The following VPS53 variants were observed in gnomAD, a reference collection of about 807,000 sequenced individuals.
VPS53 encodes vacuolar protein sorting-associated protein 53 homolog.
A neutral mutation model predicts 107.0 loss-of-function variants in VPS53; 70 were observed. The observed-to-expected ratio is 0.65, with a 90% confidence interval of 0.54 to 0.80. VPS53 has a LOEUF of 0.80. Among genes scored for constraint, VPS53 ranks in the 30% least tolerant of loss-of-function variants. The pLI, the probability that VPS53 is intolerant of heterozygous loss-of-function variation, is 0.00. For missense variants in VPS53, 917 were observed against 1,049.4 expected (o/e 0.87, Z 1.74); for synonymous variants, 409 against 393.3 (o/e 1.04, Z -0.47).
At chr17:596,094 G>T (rs1021278798) in intron 12 of VPS53, among the ~76,000 whole-genome samples, 5 of 152,230 alleles carry the variant, frequency 3.3e-5, no homozygotes, top group Admixed American at 2.0e-4. Context: ...GCTGTACTAG[G>T]TTTATAATTT....
At chr17:636,043 T>C (rs1679412498) in intron 7 of VPS53, among the ~76,000 whole-genome samples, 1 of 152,206 alleles carries the variant, frequency 6.6e-6, no homozygotes, top group Admixed American at 6.5e-5. Context: ...GGAATGTTCT[T>C]CCATTTGTTT....
chr17:554,984 G>C (rs1320790346), intron 15 of VPS53, among the ~76,000 whole-genome samples: 2 of 152,194 alleles, frequency 1.3e-5, no homozygotes, highest in African/African-American at 4.8e-5. Context: ...AACAGAATAA[G>C]AGAGTTATTT....
chr17:671,252 G>T (rs933643607), intron 4 of VPS53, among the ~76,000 whole-genome samples: 6 of 150,898 alleles, frequency 4.0e-5, no homozygotes, highest in African/African-American at 1.5e-4. Context: ...AAGAAGAAAG[G>T]AAAAGGAAAA....
chr17:689,978 G>A (rs201004146), intron 4 of VPS53, among the ~76,000 whole-genome samples: 4 of 152,122 alleles, frequency 2.6e-5, no homozygotes, highest in East Asian at 1.9e-4. Flanking sequence ...AAACAGCCCC[G>A]GACGACACAC....
chr17:522,415 A>C (rs981432323), intron 19 of VPS53, among the ~76,000 whole-genome samples: 2 of 152,168 alleles, frequency 1.3e-5, no homozygotes, highest in African/African-American at 4.8e-5. Context: ...TTTTAAGTGC[A>C]CTCTAGCCTG....
intron 10 of VPS53, among the ~76,000 whole-genome samples, chr17:626,329 A>G (rs1487365868): frequency 1.3e-5 from 2 of 152,152 alleles, no homozygotes; most frequent in African/African-American, 4.8e-5. Flanking sequence ...ACACTCATGG[A>G]TAACGTAGAG....
chr17:552,868 C>T (rs992592427), intron 16 of VPS53: 55 of 419,390 alleles, frequency 1.3e-4, no homozygotes, highest in Non-Finnish European at 1.7e-4. Context: ...GCCTGAGGCA[C>T]GCTGCTGTGT....
intron 7 of VPS53, among the ~76,000 whole-genome samples, chr17:645,255 C>A (rs888470115): frequency 6.6e-6 from 1 of 152,204 alleles, no homozygotes; most frequent in Non-Finnish European, 1.5e-5. Flanking sequence ...TGTCACTTCA[C>A]GTCCTAACGG....
intron 11 of VPS53, among the ~76,000 whole-genome samples, chr17:607,191 G>A (rs1222421762): frequency 6.6e-6 from 1 of 152,038 alleles, no homozygotes; most frequent in East Asian, 1.9e-4. Flanking sequence ...AGAAAACGTG[G>A]GCATGCAGGC....
At chr17:527,390 T>A (rs767030948) in intron 19 of VPS53, among the ~76,000 whole-genome samples, 2 of 152,214 alleles carry the variant, frequency 1.3e-5, no homozygotes, top group Non-Finnish European at 2.9e-5. Flanking sequence ...CTCATAAACC[T>A]GCTGTGAACA....
chr17:662,465 A>T (rs542719715), intron 4 of VPS53, among the ~76,000 whole-genome samples: 1 of 152,050 alleles, frequency 6.6e-6, no homozygotes, highest in South Asian at 2.1e-4. Context: ...CAAGGCGGGC[A>T]GATCACGAGG....
chr17:640,849 G>C (rs1309423271), intron 7 of VPS53, among the ~76,000 whole-genome samples: 1 of 151,928 alleles, frequency 6.6e-6, no homozygotes, highest in Non-Finnish European at 1.5e-5. Context: ...TCCAACAGCA[G>C]TTTTTTTCTT....
At chr17:611,089 C>T (rs1314348274) in intron 11 of VPS53, among the ~76,000 whole-genome samples, 1 of 152,106 alleles carries the variant, frequency 6.6e-6, no homozygotes, top group South Asian at 2.1e-4. Context: ...TCTCAGCTCA[C>T]TGAAACCTCC....
At chr17:597,006 A>G (rs763687653) in intron 12 of VPS53, among the ~76,000 whole-genome samples, 2 of 152,212 alleles carry the variant, frequency 1.3e-5, no homozygotes, top group African/African-American at 2.4e-5. Context: ...ACCAGAAGGG[A>G]CATTCCTTAT....
chr17:525,127 A>T (rs979423279), intron 19 of VPS53, among the ~76,000 whole-genome samples: 1 of 152,268 alleles, frequency 6.6e-6, no homozygotes, highest in Non-Finnish European at 1.5e-5. Flanking sequence ...AGCATGCATT[A>T]ACATGCATAA....
At chr17:555,492 C>T (rs1306980804) in intron 15 of VPS53, among the ~76,000 whole-genome samples, 3 of 152,130 alleles carry the variant, frequency 2.0e-5, no homozygotes, top group African/African-American at 4.8e-5. Flanking sequence ...CCACCACGCC[C>T]GGCCCTAATT....
At chr17:599,156 C>G (rs1228772863) in intron 12 of VPS53, among the ~76,000 whole-genome samples, 12 of 147,766 alleles carry the variant, frequency 8.1e-5, no homozygotes, top group African/African-American at 9.9e-5. Context: ...CCCGGCCAGC[C>G]GCCCCGCCCG....
chr17:557,759 C>A (rs1912564792), intron 15 of VPS53, among the ~76,000 whole-genome samples: 1 of 151,670 alleles, frequency 6.6e-6, no homozygotes, highest in Non-Finnish European at 1.5e-5. Context: ...AAATGGTCTT[C>A]AACTTATTTC....
At chr17:668,480 G>A (rs927308107) in intron 4 of VPS53, among the ~76,000 whole-genome samples, 1 of 152,176 alleles carries the variant, frequency 6.6e-6, no homozygotes, top group African/African-American at 2.4e-5. Context: ...CTTTCTGTAA[G>A]TATTCTCTAT....
Sources: allele counts gnomAD v4.1 joint callset (sites outside exome capture counted in the v4.1 genomes callset), GRCh38; gene constraint gnomAD v4.1.1; transcripts MANE v1.5; gene names NCBI Gene and HGNC (gene_info 2026-07-23, HGNC 2026-07-21).